TBC1D5: variants seen among roughly 807,000 people sequenced by gnomAD.
TBC1D5 encodes TBC1 domain family, member 5.
A neutral mutation model predicts 100.3 loss-of-function variants in TBC1D5; 75 were observed. The ratio of observed to expected loss-of-function variants is 0.75; its 90% confidence interval spans 0.62 to 0.91. TBC1D5 has a LOEUF of 0.91. Ranked by LOEUF, TBC1D5 falls within the 40% of genes least tolerant of loss-of-function variation. The probability of loss-of-function intolerance (pLI) is 0.00; values close to 1 mark genes in which losing one functional copy is unlikely to be tolerated. For missense variants in TBC1D5, 910 were observed against 942.4 expected (o/e 0.97, Z 0.45); for synonymous variants, 323 against 325.6 (o/e 0.99, Z 0.09).
At chr3:17,485,420 T>C (rs866895683) in intron 3 of TBC1D5, among the ~76,000 whole-genome samples, 1 of 151,594 alleles carries the variant, frequency 6.6e-6, no homozygotes, top group Non-Finnish European at 1.5e-5. Flanking sequence ...TGCCATGCTG[T>C]TGTGCTGCAC....
intron 1 of TBC1D5, among the ~76,000 whole-genome samples, chr3:17,627,028 C>A (rs1331722587): frequency 6.6e-6 from 1 of 152,158 alleles, no homozygotes; most frequent in Non-Finnish European, 1.5e-5. Context: ...GATTTGAGGA[C>A]AGCAGGGTAC....
chr3:17,450,064 C>A (rs2094890156), intron 3 of TBC1D5, among the ~76,000 whole-genome samples: 1 of 152,108 alleles, frequency 6.6e-6, no homozygotes, highest in Non-Finnish European at 1.5e-5. Flanking sequence ...TGTTCTGGAG[C>A]CTCCGCTGGT....
At chr3:17,273,589 C>T (rs140325098) in intron 15 of TBC1D5, among the ~76,000 whole-genome samples, 3,618 of 152,052 alleles carry the variant, frequency 0.024, 136 homozygotes, top group African/African-American at 0.081. Context: ...AGTGGATCAC[C>T]TGAGGTCAGG....
chr3:17,618,088 T>C (rs186288508), intron 2 of TBC1D5, among the ~76,000 whole-genome samples: 462 of 152,344 alleles, frequency 3.0e-3, no homozygotes, highest in African/African-American at 0.011. Context: ...GGTTTTGGTG[T>C]AGATGTCCTT....
intron 15 of TBC1D5, among the ~76,000 whole-genome samples, chr3:17,287,445 C>G (rs1039266439): frequency 3.3e-5 from 5 of 152,116 alleles, no homozygotes; most frequent in Admixed American, 3.3e-4. Flanking sequence ...ATGGGGAATG[C>G]AGAACAGACG....
At position 17,406,414 on chromosome 3, in the gene TBC1D5, T is replaced by G; in HGVS notation, c.276+4A>C. ...GAAACTGTAAATAAATATTTTCTTC[T>G]TACCTTCCAGCAAATGCTGCGGAAC... On this transcript the variant is annotated splice_donor_region_variant and intron_variant, in intron 5 of 21. Coordinates refer to ENST00000253692, the Ensembl canonical transcript of TBC1D5. The G allele has an allele frequency of 1.9e-6, 3 of 1,604,748 alleles. No individual in the cohort carries two copies. Among genetic ancestry groups the G allele is most frequent in the Non-Finnish European group, 2.5e-6 (3 of 1,176,738 alleles).
intron 1 of TBC1D5, among the ~76,000 whole-genome samples, chr3:17,697,263 G>A (rs1204903997): frequency 6.6e-6 from 1 of 152,168 alleles, no homozygotes; most frequent in Admixed American, 6.5e-5. Flanking sequence ...AGGGCAATCA[G>A]GCAAGACAAA....
At chr3:17,537,265 T>C (rs1010797692) in intron 2 of TBC1D5, among the ~76,000 whole-genome samples, 1 of 152,246 alleles carries the variant, frequency 6.6e-6, no homozygotes, top group African/African-American at 2.4e-5. Context: ...GAGATGTTAC[T>C]GTTTGTAGGA....
At chr3:17,704,053 G>T (rs1176528578) in intron 1 of TBC1D5, among the ~76,000 whole-genome samples, 4 of 143,106 alleles carry the variant, frequency 2.8e-5, no homozygotes, top group African/African-American at 7.8e-5. Flanking sequence ...GTTTTCCTAG[G>T]CAGAGGACCC....
At chr3:17,276,250 A>T (rs1229471661) in intron 15 of TBC1D5, among the ~76,000 whole-genome samples, 1 of 152,148 alleles carries the variant, frequency 6.6e-6, no homozygotes, top group South Asian at 2.1e-4. Context: ...TCTTTTACAA[A>T]GGTACTAATC....
intron 1 of TBC1D5, among the ~76,000 whole-genome samples, chr3:17,665,737 G>A (rs1208071136): frequency 3.9e-5 from 6 of 152,156 alleles, no homozygotes; most frequent in Non-Finnish European, 7.3e-5. Context: ...ACACTGAACT[G>A]CATTTGCCAT....
At chr3:17,171,997 T>C (rs2067216046) in intron 19 of TBC1D5, among the ~76,000 whole-genome samples, 1 of 152,202 alleles carries the variant, frequency 6.6e-6, no homozygotes, top group Non-Finnish European at 1.5e-5. Context: ...ACCACCAGCA[T>C]ACCCTCATCT....
Position 17,214,369 on chromosome 3 carries a change from C to T in TBC1D5, c.1590G>A (p.Gly530=), listed in dbSNP as rs954359432. The stretch of plus-strand genomic sequence containing the variant: ...ATGAACTGATGTTTTTAGAACTTAG[C>T]CCTGTAAGAAAAATTAAGTAGCAAT... Residue 530 remains glycine, a splice_region_variant and synonymous_variant, in exon 18 of 22, where the codon GGG becomes GGA. Coordinates refer to ENST00000253692, the Ensembl canonical transcript of TBC1D5. 3.1e-6 allele frequency: 5 copies of T among 1,609,346 alleles called. No individual in the cohort carries two copies. The African/African-American group carries it at 6.7e-5, about 22-fold the overall frequency.
chr3:17,553,142 G>A (rs1379582736), intron 2 of TBC1D5, among the ~76,000 whole-genome samples: 2 of 152,150 alleles, frequency 1.3e-5, no homozygotes, highest in African/African-American at 4.8e-5. Context: ...AGATGGGTAA[G>A]AAAGAGAGGG....
intron 18 of TBC1D5, among the ~76,000 whole-genome samples, chr3:17,212,638 A>C (rs1264244117): frequency 2.0e-5 from 3 of 152,050 alleles, no homozygotes; most frequent in Non-Finnish European, 2.9e-5. Flanking sequence ...GGGGGACAAA[A>C]CGTGGAGGTG....
intron 15 of TBC1D5, among the ~76,000 whole-genome samples, chr3:17,275,782 A>T (rs1004369640): frequency 6.6e-6 from 1 of 152,180 alleles, no homozygotes; most frequent in Non-Finnish European, 1.5e-5. Flanking sequence ...CTGAGTTAGT[A>T]GGTAATGGAC....
intron 1 of TBC1D5, among the ~76,000 whole-genome samples, chr3:17,653,935 T>C (rs927454075): frequency 1.3e-5 from 2 of 152,090 alleles, no homozygotes; most frequent in African/African-American, 4.8e-5. Flanking sequence ...TGAATAAGGA[T>C]TAGAGGGGTT....
intron 14 of TBC1D5, among the ~76,000 whole-genome samples, chr3:17,301,899 G>T (rs2082882939): frequency 6.6e-6 from 1 of 152,144 alleles, no homozygotes; most frequent in Admixed American, 6.5e-5. Context: ...AACTATTACA[G>T]GAGTAATGGT....
rs891741314 is a variant in TBC1D5, at chr3:17,623,882, C to T, written c.-69G>A. ...TTTCAGGCTTTGAGAATTTTTCTCC[C>T]ATTCCAAACTTTTATCTTGATACTG... On this transcript the variant is annotated 5_prime_UTR_variant, in exon 2 of 22. The change abolishes an upstream ATG in the 5' untranslated region. Transcript: ENST00000253692. 4.0e-5 allele frequency: 6 copies of T among 151,870 alleles called. No homozygotes were observed. Among genetic ancestry groups the T allele is most frequent in the Non-Finnish European group, 4.4e-5 (3 of 67,984 alleles). 9.4% of individuals were successfully genotyped at this position (151,870 alleles called of 1,614,324 possible).
Sources: allele counts gnomAD v4.1 joint callset (sites outside exome capture counted in the v4.1 genomes callset), GRCh38; gene constraint gnomAD v4.1.1; transcripts MANE v1.5; gene names NCBI Gene and HGNC (gene_info 2026-07-23, HGNC 2026-07-21).